HS6ST3: variants seen among roughly 807,000 people sequenced by gnomAD.
HS6ST3 encodes heparan-sulfate 6-O-sulfotransferase 3.
A neutral mutation model predicts 36.7 loss-of-function variants in HS6ST3; 12 were observed. The observed-to-expected ratio is 0.33, with a 90% confidence interval of 0.21 to 0.53. The LOEUF is 0.53. HS6ST3 is among the 20% of genes least tolerant of loss of function. The pLI, the probability that HS6ST3 is intolerant of heterozygous loss-of-function variation, is 0.95. For synonymous variants in HS6ST3, 240 were observed against 257.5 expected, an observed-to-expected ratio of 0.93 and a Z score of 0.65; for missense variants, 584 against 640.9, an observed-to-expected ratio of 0.91 and a Z score of 0.96.
intron 1 of HS6ST3, among the ~76,000 whole-genome samples, chr13:96,611,213 C>T (rs1410995321): frequency 1.3e-5 from 2 of 151,204 alleles, no homozygotes; most frequent in Non-Finnish European, 2.9e-5. Flanking sequence ...AATACATGTG[C>T]CATGCTGGTG....
intron 1 of HS6ST3, among the ~76,000 whole-genome samples, chr13:96,787,418 T>C (rs537576964): frequency 1.8e-4 from 27 of 152,264 alleles, no homozygotes; most frequent in African/African-American, 2.6e-4. Flanking sequence ...CTTTTATGCA[T>C]GCATGTATGT....
At chr13:96,101,427 AGCAATATTTCC>A in intron 1 of HS6ST3, among the ~76,000 whole-genome samples, 1 of 152,230 alleles carries the variant, frequency 6.6e-6, no homozygotes, top group East Asian at 1.9e-4. Context: ...GGACTTTTGA[AGCAATATTTCC>A]GCATTTATTT....
At chr13:96,277,352 G>A (rs1392349737) in intron 1 of HS6ST3, among the ~76,000 whole-genome samples, 1 of 152,148 alleles carries the variant, frequency 6.6e-6, no homozygotes, top group Non-Finnish European at 1.5e-5. Context: ...CAGAGATTAT[G>A]TGTTATGTTC....
chr13:96,324,371 G>T (rs573225554), intron 1 of HS6ST3, among the ~76,000 whole-genome samples: 1 of 152,146 alleles, frequency 6.6e-6, no homozygotes, highest in Admixed American at 6.6e-5. Flanking sequence ...AGTGAAGAAG[G>T]TGTTTGAAAA....
chr13:96,805,632 A>T (rs920192460), intron 1 of HS6ST3, among the ~76,000 whole-genome samples: 1 of 152,176 alleles, frequency 6.6e-6, no homozygotes, highest in East Asian at 1.9e-4. Flanking sequence ...CCCATCTTAA[A>T]CCCTATGAGC....
intron 1 of HS6ST3, among the ~76,000 whole-genome samples, chr13:96,552,396 T>C (rs2056222728): frequency 6.6e-6 from 1 of 152,180 alleles, no homozygotes; most frequent in Non-Finnish European, 1.5e-5. Flanking sequence ...GGTGACACGC[T>C]GTTCTGGGTG....
intron 1 of HS6ST3, among the ~76,000 whole-genome samples, chr13:96,468,234 T>A (rs2055823804): frequency 6.6e-6 from 1 of 152,144 alleles, no homozygotes; most frequent in Non-Finnish European, 1.5e-5. Context: ...AAATCAGCCT[T>A]AGAAACAAAT....
intron 1 of HS6ST3, among the ~76,000 whole-genome samples, chr13:96,256,025 T>A (rs1353231342): frequency 1.3e-5 from 2 of 152,240 alleles, no homozygotes; most frequent in Non-Finnish European, 2.9e-5. Context: ...TAGCATGCAT[T>A]TCTTAAGTTA....
chr13:96,403,914 G>T (rs974834304), intron 1 of HS6ST3, among the ~76,000 whole-genome samples: 2 of 152,132 alleles, frequency 1.3e-5, no homozygotes, highest in Non-Finnish European at 2.9e-5. Flanking sequence ...TAGTTGACAG[G>T]TGCTTAAATG....
intron 1 of HS6ST3, among the ~76,000 whole-genome samples, chr13:96,557,471 C>T (rs2056245401): frequency 6.6e-6 from 1 of 152,202 alleles, no homozygotes; most frequent in Admixed American, 6.5e-5. Context: ...ACCCAGCAAA[C>T]TCAGACCTTC....
chr13:96,187,243 A>G (rs1294303083), intron 1 of HS6ST3, among the ~76,000 whole-genome samples: 2 of 152,218 alleles, frequency 1.3e-5, no homozygotes, highest in Non-Finnish European at 1.5e-5. Flanking sequence ...TTGTGATACC[A>G]TATATCTGTC....
chr13:96,471,895 G>A (rs1262943692), intron 1 of HS6ST3, among the ~76,000 whole-genome samples: 1 of 152,148 alleles, frequency 6.6e-6, no homozygotes, highest in Non-Finnish European at 1.5e-5. Context: ...TTGTTCATGG[G>A]TATGTAGGAG....
At chr13:96,242,596 T>A (rs1346469867) in intron 1 of HS6ST3, among the ~76,000 whole-genome samples, 1 of 151,410 alleles carries the variant, frequency 6.6e-6, no homozygotes, top group Non-Finnish European at 1.5e-5. Context: ...TCGCTTAGCA[T>A]AATATCTTCC....
At chr13:96,425,713 A>G (rs2055583311) in intron 1 of HS6ST3, among the ~76,000 whole-genome samples, 1 of 152,152 alleles carries the variant, frequency 6.6e-6, no homozygotes, top group Non-Finnish European at 1.5e-5. Context: ...CAGGCGGGAC[A>G]GTAAATAACC....
At chr13:96,291,224 T>C (rs906572172) in intron 1 of HS6ST3, among the ~76,000 whole-genome samples, 2 of 152,210 alleles carry the variant, frequency 1.3e-5, no homozygotes, top group Admixed American at 6.5e-5. Context: ...ACGTAATCCT[T>C]AGGGCCTCAT....
At chr13:96,310,304 T>G (rs943649404) in intron 1 of HS6ST3, among the ~76,000 whole-genome samples, 1 of 152,166 alleles carries the variant, frequency 6.6e-6, no homozygotes, top group Non-Finnish European at 1.5e-5. Context: ...TAGAATAACT[T>G]AAACATTATT....
chr13:96,606,594 AGAGGGAGG>A (rs757536053), intron 1 of HS6ST3, among the ~76,000 whole-genome samples: 8,261 of 74,424 alleles, frequency 0.11, 787 homozygotes, highest in African/African-American at 0.21. Context: ...AGGGAGGGAC[AGAGGGAGG>A]GAGGGAGGGA....
intron 1 of HS6ST3, among the ~76,000 whole-genome samples, chr13:96,110,656 C>T (rs1480163841): frequency 1.3e-5 from 2 of 152,076 alleles, no homozygotes; most frequent in Non-Finnish European, 2.9e-5. Flanking sequence ...AATCTCCTGA[C>T]CTCCTGATCC....
At position 96,144,894 on chromosome 13, in the gene HS6ST3, G is replaced by T. The variant is rs1257598357; in HGVS notation, c.707+53325G>T. Among the ~76,000 whole-genome samples, 16 of 146,266 alleles carry T rather than the reference G, an allele frequency of 1.1e-4. 1 individual carries two copies. The highest frequency in any genetic ancestry group is 9.8e-4 in the Admixed American group (14 of 14,216). Reference sequence around the variant, plus strand: ...TTCCCATCTATGAGTGAGAACATGAGGTGTTTGGTTTTTTGTCCTTGCGAT... The same window carrying T: ...TTCCCATCTATGAGTGAGAACATGATGTGTTTGGTTTTTTGTCCTTGCGAT... On this transcript the variant is annotated intron_variant, in intron 1 of 1. Coordinates refer to ENST00000376705, the MANE Select transcript of HS6ST3 (RefSeq NM_153456.4).
Sources: gnomAD v4.1 joint callset for allele counts (sites outside exome capture counted in the v4.1 genomes callset) on GRCh38, gnomAD v4.1.1 for gene constraint, MANE v1.5 for transcripts, NCBI Gene and HGNC (gene_info 2026-07-23, HGNC 2026-07-21) for gene names.